The following GRAP2 variants were observed in gnomAD, a reference collection of about 807,000 sequenced individuals.
GRAP2 encodes GRB2 related adaptor protein 2, also known as GRB2-related adapter protein 2.
A neutral mutation model predicts 43.5 loss-of-function variants in GRAP2; 31 were observed. The ratio of observed to expected loss-of-function variants is 0.71; its 90% CI spans 0.54 to 0.96. GRAP2 has a LOEUF of 0.96. Among genes scored for constraint, GRAP2 ranks in the 40% least tolerant of loss-of-function variants. The pLI, the probability that GRAP2 is intolerant of heterozygous loss-of-function variation, is 0.00. For missense variants in GRAP2, 371 were observed against 424.4 expected (o/e 0.87, Z 1.11); for synonymous variants, 156 against 164.8 (o/e 0.95, Z 0.41).
In GRAP2 at chr22:39,971,363, A is replaced by G; in HGVS notation, c.*279A>G. 1 of 429,052 alleles carries G rather than the reference A, an allele frequency of 2.3e-6. No individual in the cohort carries two copies. The highest frequency in any genetic ancestry group is 4.1e-6 in the Non-Finnish European group (1 of 244,620). The allele number at this position is 429,052 out of a possible 1,614,324, so 26.6% of individuals were successfully genotyped here. On this transcript the variant is annotated 3_prime_UTR_variant, in exon 8 of 8. Coordinates refer to ENST00000344138, the MANE Select transcript of GRAP2 (RefSeq NM_004810.4). Reference sequence around the variant, plus strand: ...GTTGGGAGGGGGGCAGGGAAATGAAATGGAGTTTTGTCCTGGCCTTCAGCT... The same window carrying G: ...GTTGGGAGGGGGGCAGGGAAATGAAGTGGAGTTTTGTCCTGGCCTTCAGCT...
At chr22:39,930,333 T>C (rs2066744405) in intron 1 of GRAP2, among the ~76,000 whole-genome samples, 1 of 152,244 alleles carries the variant, frequency 6.6e-6, no homozygotes, top group Non-Finnish European at 1.5e-5. Context: ...AGGCTGAGTT[T>C]GAATCCTGGC....
chr22:39,940,312 TGA>T (rs2066854262), intron 1 of GRAP2, among the ~76,000 whole-genome samples: 1 of 151,748 alleles, frequency 6.6e-6, no homozygotes, highest in African/African-American at 2.4e-5. Context: ...TATTGTCATC[TGA>T]GAGCCCAAAA....
Position 39,971,743 on chromosome 22 carries a change from G to C in GRAP2, c.*659G>C, listed in dbSNP as rs556751672. 6.6e-6 allele frequency: 1 copy of C among 152,326 alleles called. No homozygotes were observed. The highest frequency in any genetic ancestry group is 1.5e-5 in the Non-Finnish European group (1 of 68,048). The allele number at this position is 152,326 out of a possible 1,614,324, so 9.4% of individuals were successfully genotyped here. ...ATCTCTGTTCAAATTAATATTCCTT[G>C]GGTCTTTCAAATGAATGTTTCAATG... On this transcript the variant is annotated 3_prime_UTR_variant, in exon 8 of 8. Coordinates refer to ENST00000344138, the MANE Select transcript of GRAP2 (RefSeq NM_004810.4).
chr22:39,949,456 A>G (rs1344996336), intron 2 of GRAP2, among the ~76,000 whole-genome samples: 1 of 152,176 alleles, frequency 6.6e-6, no homozygotes, highest in African/African-American at 2.4e-5. Context: ...CTAGCATGTG[A>G]CCAATCCAGG....
intron 3 of GRAP2, among the ~76,000 whole-genome samples, chr22:39,958,783 A>G (rs1339863150): frequency 6.6e-6 from 1 of 152,040 alleles, no homozygotes; most frequent in South Asian, 2.1e-4. Flanking sequence ...TACATTTCCC[A>G]CACGTGGCAG....
At chr22:39,967,057 A>G (rs958071327) in intron 5 of GRAP2, among the ~76,000 whole-genome samples, 2 of 152,244 alleles carry the variant, frequency 1.3e-5, no homozygotes, top group Non-Finnish European at 2.9e-5. Context: ...CATGGTTATA[A>G]GAGACAGGTA....
In GRAP2 at chr22:39,972,737, A is replaced by G. The variant is rs1240748059; in HGVS notation, c.*1653A>G. The G allele has an allele frequency of 6.6e-6, 1 of 152,408 alleles. No individual in the cohort carries two copies. The highest frequency in any genetic ancestry group is 1.5e-5 in the Non-Finnish European group (1 of 68,050). 9.4% of individuals were successfully genotyped at this position (152,408 alleles called of 1,614,324 possible). A position where few individuals can be genotyped will look rare whatever the true frequency, so the allele number is the denominator to read the frequency against. ...TGTTTCCTTTAGAGGAAAGAGGAAA[A>G]AAGGAACTCTGTGGTGGGTATTGGG... On this transcript the variant is annotated 3_prime_UTR_variant, in exon 8 of 8. Coordinates refer to ENST00000344138, the MANE Select transcript of GRAP2 (RefSeq NM_004810.4).
intron 1 of GRAP2, among the ~76,000 whole-genome samples, chr22:39,908,757 A>G (rs963853463): frequency 1.3e-5 from 2 of 152,156 alleles, no homozygotes; most frequent in African/African-American, 2.4e-5. Context: ...TTGATAGGAA[A>G]TTGGGCCCCT....
rs1049349662 is a variant in GRAP2 at position 39,925,700 on chromosome 22, C to T, written c.-14-21393C>T. Among the ~76,000 whole-genome samples the T allele has an allele frequency of 5.3e-5, 8 of 152,120 alleles. No homozygotes were observed. In the South Asian group the frequency reaches 8.3e-4, roughly 16 times the overall value. On this transcript the variant is annotated intron_variant, in intron 1 of 7. Transcript: ENST00000344138. ...TGGTGCAATCCAGAAGCATTTTGGA[C>T]GAATGAAGGAGCTGTTTGTGTTTTC...
At chr22:39,958,618 A>C (rs776979234) in intron 3 of GRAP2, among the ~76,000 whole-genome samples, 27 of 152,230 alleles carry the variant, frequency 1.8e-4, no homozygotes. Context: ...TCTAATATGC[A>C]ATGTGTGGTG....
chr22:39,961,768 G>T (rs1055009103), intron 4 of GRAP2, among the ~76,000 whole-genome samples: 1 of 152,168 alleles, frequency 6.6e-6, no homozygotes, highest in African/African-American at 2.4e-5. Context: ...CAAGTTATTG[G>T]CAGGAAATAC....
chr22:39,899,721 G>A (rs1273617762), upstream of GRAP2, among the ~76,000 whole-genome samples: 3 of 152,164 alleles, frequency 2.0e-5, no homozygotes, highest in Non-Finnish European at 4.4e-5. Flanking sequence ...GGTGGCTCAT[G>A]CCTGTAATCC....
At chr22:39,919,306 A>G (rs142172601) in intron 1 of GRAP2, among the ~76,000 whole-genome samples, 52 of 152,292 alleles carry the variant, frequency 3.4e-4, no homozygotes, top group African/African-American at 1.1e-3. Flanking sequence ...CTAAGCTATC[A>G]TTATTACAAC....
intron 1 of GRAP2, among the ~76,000 whole-genome samples, chr22:39,936,768 T>C (rs1490738299): frequency 6.6e-6 from 1 of 152,190 alleles, no homozygotes; most frequent in African/African-American, 2.4e-5. Flanking sequence ...TGTAAGTCTA[T>C]TAGCTGAGAT....
intron 1 of GRAP2, among the ~76,000 whole-genome samples, chr22:39,923,209 A>G (rs190695535): frequency 6.6e-6 from 1 of 152,318 alleles, no homozygotes; most frequent in East Asian, 1.9e-4. Context: ...ATAGTGCCAG[A>G]ATGAAATATA....
At chr22:39,898,002 G>A (rs2066472619), upstream of GRAP2, among the ~76,000 whole-genome samples, 1 of 152,154 alleles carries the variant, frequency 6.6e-6, no homozygotes, top group South Asian at 2.1e-4. Context: ...GCCTCGCCAT[G>A]GCAACAAGGC....
rs554784218 is a variant in GRAP2 at position 39,973,031 on chromosome 22, G to A, written c.*1947G>A. ...ATCAGAGCAGAGAAACCGCTGCTGC[G>A]GAAGGCAGGGAGCAAAGAAGCATAA... On this transcript the variant is annotated 3_prime_UTR_variant, in exon 8 of 8. Coordinates refer to ENST00000344138, the MANE Select transcript of GRAP2 (RefSeq NM_004810.4). 8 of 153,194 alleles carry A rather than the reference G, an allele frequency of 5.2e-5. No homozygotes were observed. The highest frequency in any genetic ancestry group is 4.1e-4 in the South Asian group (2 of 4,830). 9.5% of individuals were successfully genotyped at this position (153,194 alleles called of 1,614,324 possible).
At chr22:39,932,153 G>C (rs760798801) in intron 1 of GRAP2, among the ~76,000 whole-genome samples, 2 of 152,154 alleles carry the variant, frequency 1.3e-5, no homozygotes, top group Non-Finnish European at 2.9e-5. Flanking sequence ...GAGATGAAAG[G>C]GTGAAAAGAT....
intron 1 of GRAP2, among the ~76,000 whole-genome samples, chr22:39,945,299 A>G (rs1428765816): frequency 6.6e-6 from 1 of 152,190 alleles, no homozygotes; most frequent in East Asian, 1.9e-4. Flanking sequence ...CTTAACATCT[A>G]CCTTTGAATG....
Sources: gnomAD v4.1 joint callset for allele counts (sites outside exome capture counted in the v4.1 genomes callset) on GRCh38, gnomAD v4.1.1 for gene constraint, MANE v1.5 for transcripts, NCBI Gene and HGNC (gene_info 2026-07-23, HGNC 2026-07-21) for gene names.